VEPH1: variants seen among roughly 807,000 people sequenced by gnomAD.
VEPH1 encodes ventricular zone-expressed PH domain-containing protein homolog 1.
A neutral mutation model predicts 85.2 loss-of-function variants in VEPH1; 80 were observed. The ratio of observed to expected loss-of-function variants is 0.94; its 90% CI spans 0.78 to 1.13. The LOEUF is 1.13. Among genes scored for constraint, VEPH1 ranks in the 50% most tolerant of loss-of-function variants. The probability of loss-of-function intolerance (pLI) is 0.00; values close to 1 mark genes in which losing one functional copy is unlikely to be tolerated. For synonymous variants in VEPH1, 297 were observed against 348.0 expected, an observed-to-expected ratio of 0.85 and a Z score of 1.63; for missense variants, 955 against 980.5, an observed-to-expected ratio of 0.97 and a Z score of 0.35.
chr3:157,284,668 G>GAAAA, intron 12 of VEPH1, among the ~76,000 whole-genome samples: 1 of 142,116 alleles, frequency 7.0e-6, no homozygotes, highest in Non-Finnish European at 1.5e-5. Flanking sequence ...GGGTTTTGGT[G>GAAAA]AAAAAAAAAA....
intron 6 of VEPH1, among the ~76,000 whole-genome samples, chr3:157,402,160 A>G (rs7623173): frequency 0.67 from 102,096 of 152,074 alleles, 34,648 homozygotes; most frequent in South Asian, 0.75. Context: ...CTTTGAGGTT[A>G]TTCTCACTTC....
intron 9 of VEPH1, among the ~76,000 whole-genome samples, chr3:157,330,937 C>G (rs73018221): frequency 0.026 from 4,010 of 152,234 alleles, 180 homozygotes; most frequent in African/African-American, 0.091. Context: ...CTGGTGGGAC[C>G]CACCCCATCC....
chr3:157,272,288 C>A lies in VEPH1; in HGVS notation c.2129-6626G>T, dbSNP rs1312603442. Among the ~76,000 whole-genome samples the A allele has an allele frequency of 2.1e-5, 3 of 145,730 alleles. No homozygotes were observed. The East Asian group carries it at 6.1e-4, about 30-fold the overall frequency. On this transcript the variant is annotated intron_variant, in intron 12 of 13. Transcript: ENST00000362010. ...TCCTTCCTTCCTTCCTTCCTTCCTTCCTTCCTTCCCTTCCTCTCTCTCTCT... is the reference window on the plus strand; with the variant it reads ...TCCTTCCTTCCTTCCTTCCTTCCTTACTTCCTTCCCTTCCTCTCTCTCTCT...
chr3:157,343,119 T>C (rs1217455905), intron 9 of VEPH1, among the ~76,000 whole-genome samples: 2 of 151,964 alleles, frequency 1.3e-5, no homozygotes, highest in African/African-American at 4.8e-5. Context: ...TTAAAAGAAC[T>C]AGAGAAGCAA....
chr3:157,387,393 AC>A (rs1258851376), intron 6 of VEPH1, among the ~76,000 whole-genome samples: 2 of 152,268 alleles, frequency 1.3e-5, no homozygotes, highest in East Asian at 3.9e-4. Flanking sequence ...CTTCACAATG[AC>A]CTTGCAAAAT....
At chr3:157,274,293 A>G (rs1197532130) in intron 12 of VEPH1, among the ~76,000 whole-genome samples, 1 of 152,252 alleles carries the variant, frequency 6.6e-6, no homozygotes, top group East Asian at 1.9e-4. Context: ...AATGCAAATC[A>G]TAATCATCTT....
Position 157,317,296 on chromosome 3 carries a change from C to A in VEPH1, c.1736-95G>T, listed in dbSNP as rs1442676133. 8 of 1,230,872 alleles carry A rather than the reference C, an allele frequency of 6.5e-6. No homozygotes were observed. The East Asian group carries it at 1.6e-4, about 25-fold the overall frequency. The allele number at this position is 1,230,872 out of a possible 1,614,324, so 76.2% of individuals were successfully genotyped here. On this transcript the variant is annotated intron_variant, in intron 9 of 13. Coordinates refer to ENST00000362010, the MANE Select transcript of VEPH1 (RefSeq NM_001167912.2). Reference sequence around the variant, plus strand: ...ACACACAAATGCCTTTATAAAATATCCTTCAGTTTTCAAACTGTGAGCTAA... The same window carrying A: ...ACACACAAATGCCTTTATAAAATATACTTCAGTTTTCAAACTGTGAGCTAA...
At chr3:157,397,446 G>T (rs576473269) in intron 6 of VEPH1, among the ~76,000 whole-genome samples, 1 of 152,278 alleles carries the variant, frequency 6.6e-6, no homozygotes, top group Non-Finnish European at 1.5e-5. Context: ...TTTTAAAGTA[G>T]TTTTTTCTAA....
intron 5 of VEPH1, among the ~76,000 whole-genome samples, chr3:157,421,144 T>C (rs1478760318): frequency 1.3e-5 from 2 of 152,228 alleles, no homozygotes; most frequent in Non-Finnish European, 2.9e-5. Flanking sequence ...GGGACCCATC[T>C]GCTCAGTTAG....
chr3:157,418,502 A>G (rs1331124035), intron 5 of VEPH1, among the ~76,000 whole-genome samples: 1 of 152,218 alleles, frequency 6.6e-6, no homozygotes, highest in Non-Finnish European at 1.5e-5. Flanking sequence ...TACAAAATCA[A>G]TATGCAAAAA....
chr3:157,486,799 CA>C (rs1240438691), intron 2 of VEPH1, among the ~76,000 whole-genome samples: 1 of 152,114 alleles, frequency 6.6e-6, no homozygotes, highest in Admixed American at 6.6e-5. Flanking sequence ...AAGCAAGTCT[CA>C]ACTACTTCGA....
chr3:157,481,475 A>C (rs1464243967), intron 2 of VEPH1, among the ~76,000 whole-genome samples: 300 of 95,950 alleles, frequency 3.1e-3, no homozygotes, highest in African/African-American at 0.012. Flanking sequence ...CAAAAAAAAA[A>C]AAAAAAAAAA....
intron 9 of VEPH1, among the ~76,000 whole-genome samples, chr3:157,332,392 T>C (rs1722591039): frequency 1.3e-5 from 2 of 152,180 alleles, no homozygotes; most frequent in South Asian, 4.1e-4. Context: ...GCAATTATTC[T>C]TCATTTCCCC....
intron 2 of VEPH1, among the ~76,000 whole-genome samples, chr3:157,471,434 A>G (rs1354257428): frequency 2.0e-5 from 3 of 152,238 alleles, no homozygotes. Context: ...TTAAGGCTCA[A>G]AATAGGTACT....
At chr3:157,341,518 G>A (rs541937477) in intron 9 of VEPH1, among the ~76,000 whole-genome samples, 2 of 151,490 alleles carry the variant, frequency 1.3e-5, no homozygotes, top group South Asian at 4.2e-4. Flanking sequence ...AGAAATATGG[G>A]ACTATGTGAA....
intron 6 of VEPH1, among the ~76,000 whole-genome samples, chr3:157,387,300 G>A (rs1258788543): frequency 6.6e-6 from 1 of 152,126 alleles, no homozygotes; most frequent in East Asian, 1.9e-4. Context: ...ATGAAAATGT[G>A]GGGGTCTGGA....
intron 4 of VEPH1, chr3:157,437,601 G>C (rs375365577): frequency 2.5e-6 from 4 of 1,575,094 alleles, no homozygotes; most frequent in Non-Finnish European, 3.4e-6. Context: ...AGCGCATGCT[G>C]CTGCAAGCCA....
At chr3:157,314,057 G>A (rs1349414173) in intron 10 of VEPH1, among the ~76,000 whole-genome samples, 1 of 151,984 alleles carries the variant, frequency 6.6e-6, no homozygotes, top group African/African-American at 2.4e-5. Flanking sequence ...ACGAGGCCGA[G>A]CATGGTGGCT....
chr3:157,491,781 C>A (rs1482674885), intron 2 of VEPH1, among the ~76,000 whole-genome samples: 1 of 152,110 alleles, frequency 6.6e-6, no homozygotes, highest in Non-Finnish European at 1.5e-5. Flanking sequence ...TGGCAGAATA[C>A]ACTTTAAAAA....
Sources: allele counts gnomAD v4.1 joint callset (sites outside exome capture counted in the v4.1 genomes callset), GRCh38; gene constraint gnomAD v4.1.1; transcripts MANE v1.5; gene names NCBI Gene and HGNC (gene_info 2026-07-23, HGNC 2026-07-21).